Variants in MATN2 observed in about 807,000 individuals in gnomAD.
MATN2 encodes the protein matrilin 2, also known as matrilin-2.
Under a neutral mutation model 103.2 loss-of-function variants are expected in MATN2, and 69 were observed. That is an observed-to-expected ratio of 0.67 (90% confidence interval 0.55 to 0.82). The LOEUF (loss-of-function observed/expected upper bound fraction) is 0.82, where lower values mean the gene tolerates loss of function less well. Ranked by LOEUF, MATN2 falls within the 40% of genes least tolerant of loss-of-function variation. MATN2 has a pLI of 0.00. For missense variants in MATN2, 1,023 were observed against 1,211.5 expected, an observed-to-expected ratio of 0.84 and a Z score of 2.31; for synonymous variants, 429 against 450.2, an observed-to-expected ratio of 0.95 and a Z score of 0.60.
chr8:97,908,870 C>G (rs893719354), intron 2 of MATN2, among the ~76,000 whole-genome samples: 1 of 152,214 alleles, frequency 6.6e-6, no homozygotes, highest in African/African-American at 2.4e-5. Flanking sequence ...CTCAGGTGAT[C>G]CACCGGCCTT....
chr8:97,967,473 A>T (rs939123738), intron 5 of MATN2, among the ~76,000 whole-genome samples: 16 of 152,188 alleles, frequency 1.1e-4, no homozygotes, highest in African/African-American at 3.9e-4. Context: ...TTTACTTCCA[A>T]GGTACAAGGT....
chr8:97,887,814 T>G (rs1375194343), intron 1 of MATN2: 3 of 257,300 alleles, frequency 1.2e-5, no homozygotes, highest in Non-Finnish European at 2.2e-5. Context: ...CAGGATAGAT[T>G]TTTCTCAAGT....
intron 2 of MATN2, among the ~76,000 whole-genome samples, chr8:97,912,283 G>A (rs1809473342): frequency 6.6e-6 from 1 of 152,142 alleles, no homozygotes; most frequent in Non-Finnish European, 1.5e-5. Context: ...CTACAAGAAA[G>A]ACTATTTGCA....
intron 6 of MATN2, among the ~76,000 whole-genome samples, chr8:97,989,709 A>G (rs944424820): frequency 2.6e-5 from 4 of 152,170 alleles, no homozygotes; most frequent in African/African-American, 9.7e-5. Flanking sequence ...AAAAAACACC[A>G]TCTTTATTAA....
At chr8:98,008,049 G>GT (rs1222358793) in intron 10 of MATN2, among the ~76,000 whole-genome samples, 1 of 152,206 alleles carries the variant, frequency 6.6e-6, no homozygotes, top group African/African-American at 2.4e-5. Context: ...TCACCAGCTA[G>GT]TGAGTGGTGG....
At chr8:97,921,609 C>A (rs982604925) in intron 2 of MATN2, among the ~76,000 whole-genome samples, 3 of 152,184 alleles carry the variant, frequency 2.0e-5, no homozygotes, top group Non-Finnish European at 2.9e-5. Flanking sequence ...TCTGAAGTAG[C>A]CTTTCAATTA....
At chr8:97,977,759 C>A (rs1335973847) in intron 5 of MATN2, among the ~76,000 whole-genome samples, 2 of 152,302 alleles carry the variant, frequency 1.3e-5, no homozygotes, top group African/African-American at 4.8e-5. Flanking sequence ...CTCCCTCCTC[C>A]AGCCACCCTG....
chr8:97,922,807 C>T (rs750344436), intron 2 of MATN2, among the ~76,000 whole-genome samples: 41 of 152,324 alleles, frequency 2.7e-4, no homozygotes, highest in Middle Eastern at 3.4e-3. Flanking sequence ...TAGAGACCTC[C>T]TTCCAGACTG....
chr8:97,996,587 G>A (rs117727398), intron 7 of MATN2, among the ~76,000 whole-genome samples: 19 of 152,206 alleles, frequency 1.2e-4, no homozygotes, highest in Non-Finnish European at 2.4e-4. Context: ...CTCGCCCAAC[G>A]TCCCGCCTCA....
In MATN2 at chr8:98,005,587, G is replaced by GA. The variant is rs1353688507; in HGVS notation, c.1328-1515dup. Among the ~76,000 whole-genome samples, 1 of 152,144 alleles carries GA rather than the reference G, an allele frequency of 6.6e-6. No individual in the cohort carries two copies. Among genetic ancestry groups the GA allele is most frequent in the Admixed American group, 6.5e-5 (1 of 15,278 alleles). On this transcript the variant is annotated intron_variant, in intron 8 of 18. Coordinates refer to ENST00000254898, the MANE Select transcript of MATN2 (RefSeq NM_002380.5). This position sits in a 1 kb window ranked among gnomAD's most constrained non-coding sequence, Gnocchi z 4.6. Reference sequence around the variant, plus strand: ...CTCTCTGGGATCTAGTCAACTCTAAGAAAGTACAAACCAAGCTGTTTCTGT... The same window carrying GA: ...CTCTCTGGGATCTAGTCAACTCTAAGAAAAGTACAAACCAAGCTGTTTCTGT...
intron 14 of MATN2, among the ~76,000 whole-genome samples, chr8:98,028,768 T>G (rs1563736270): frequency 6.6e-6 from 1 of 152,256 alleles, no homozygotes; most frequent in East Asian, 1.9e-4. Context: ...TTTGTATTTT[T>G]AGTGGAGATG....
At chr8:97,908,931 G>A (rs180767485) in intron 2 of MATN2, among the ~76,000 whole-genome samples, 6 of 151,478 alleles carry the variant, frequency 4.0e-5, no homozygotes, top group Admixed American at 2.6e-4. Flanking sequence ...GCCTGCACCA[G>A]CCCCTCCCCG....
intron 2 of MATN2, among the ~76,000 whole-genome samples, chr8:97,889,965 A>C (rs1818574632): frequency 1.3e-5 from 2 of 152,074 alleles, no homozygotes; most frequent in Non-Finnish European, 2.9e-5. Flanking sequence ...CTTTGCCTAG[A>C]AGCCCATTTT....
At chr8:97,923,746 G>A (rs565695665) in intron 2 of MATN2, among the ~76,000 whole-genome samples, 32 of 152,146 alleles carry the variant, frequency 2.1e-4, no homozygotes, top group African/African-American at 7.0e-4. Context: ...TAGTAGAGAC[G>A]GGGTTTCACC....
chr8:97,933,500 A>G (rs1810265809), intron 3 of MATN2, among the ~76,000 whole-genome samples: 2 of 151,788 alleles, frequency 1.3e-5, no homozygotes, highest in African/African-American at 4.8e-5. Flanking sequence ...CTGAGGAGCT[A>G]CACAATGGGA....
intron 4 of MATN2, among the ~76,000 whole-genome samples, chr8:97,946,919 T>G (rs1169334292): frequency 6.6e-6 from 1 of 152,208 alleles, no homozygotes; most frequent in Non-Finnish European, 1.5e-5. Flanking sequence ...TAGAGAGAGA[T>G]AACTATAACC....
chr8:97,976,042 T>C (rs903615895), intron 5 of MATN2, among the ~76,000 whole-genome samples: 4 of 152,186 alleles, frequency 2.6e-5, no homozygotes, highest in Non-Finnish European at 5.9e-5. Flanking sequence ...CCCAACATAA[T>C]GGCTTGTGAA....
At chr8:97,949,407 C>T (rs1464023643) in intron 4 of MATN2, among the ~76,000 whole-genome samples, 1 of 152,036 alleles carries the variant, frequency 6.6e-6, no homozygotes, top group Non-Finnish European at 1.5e-5. Flanking sequence ...CTTCTGAACT[C>T]AGATCATCTG....
intron 5 of MATN2, 120 bp from the exon 6 acceptor site, chr8:97,978,766 C>T: frequency 2.0e-6 from 2 of 979,702 alleles, no homozygotes; most frequent in Admixed American, 4.1e-5. Flanking sequence ...GTTTATCCTA[C>T]TCTTTTGGGG....
Sources: allele counts gnomAD v4.1 joint callset (sites outside exome capture counted in the v4.1 genomes callset), GRCh38; gene constraint gnomAD v4.1.1; non-coding constraint Gnocchi (gnomAD v3.1); transcripts MANE v1.5; gene names NCBI Gene and HGNC (gene_info 2026-07-23, HGNC 2026-07-21).